Variants in TOX2 observed in about 807,000 individuals in gnomAD.
The protein encoded by TOX2 is granulosa cell HMG box 1.
Under a neutral mutation model 47.4 loss-of-function variants are expected in TOX2, and 15 were observed. That is an observed-to-expected ratio of 0.32 (90% confidence interval 0.21 to 0.49). TOX2 has a LOEUF of 0.49. TOX2 is among the 20% of genes least tolerant of loss of function. TOX2 has a pLI of 0.99. For synonymous variants in TOX2, 290 were observed against 296.6 expected (o/e 0.98, Z 0.23); for missense variants, 622 against 673.1 (o/e 0.92, Z 0.84).
At chr20:44,040,611 G>A (rs1384116065) in intron 3 of TOX2, among the ~76,000 whole-genome samples, 1 of 152,204 alleles carries the variant, frequency 6.6e-6, no homozygotes, top group African/African-American at 2.4e-5. Flanking sequence ...CTGTATAGTT[G>A]TGATTAAATG....
At chr20:43,985,857 G>A (rs1181775477) in intron 2 of TOX2, among the ~76,000 whole-genome samples, 2 of 152,150 alleles carry the variant, frequency 1.3e-5, no homozygotes, top group African/African-American at 4.8e-5. Context: ...GTGAGGAGCT[G>A]GGGCGCATGG....
chr20:43,947,564 CTGTT>C (rs902632060), intron 1 of TOX2, among the ~76,000 whole-genome samples: 101 of 152,294 alleles, frequency 6.6e-4, no homozygotes, highest in African/African-American at 2.3e-3. Context: ...GCTCTGGAAT[CTGTT>C]TGGGGAGCTT....
Position 44,005,452 on chromosome 20 carries a change from C to T in TOX2, c.166-1095C>T, listed in dbSNP as rs1254203718. ...TCCTCAAGCTAAAGTAACCTTGTTA[C>T]TAAAACCCCAACAAAGACAGTATGA... On this transcript the variant is annotated intron_variant, in intron 2 of 8. Transcript: ENST00000341197. 2.0e-5 allele frequency among the ~76,000 whole-genome samples: 3 copies of T among 152,170 alleles called. No homozygotes were observed. The East Asian group carries it at 5.8e-4, about 29-fold the overall frequency.
chr20:43,959,010 C>T (rs1025958752), intron 1 of TOX2, among the ~76,000 whole-genome samples: 1 of 152,170 alleles, frequency 6.6e-6, no homozygotes, highest in Non-Finnish European at 1.5e-5. Context: ...AGGACAGAGC[C>T]CCCCACTGCC....
intron 3 of TOX2, among the ~76,000 whole-genome samples, chr20:44,028,444 CGCTTAGA>C (rs2071098920): frequency 6.6e-6 from 1 of 152,208 alleles, no homozygotes; most frequent in Non-Finnish European, 1.5e-5. Flanking sequence ...CTCGCTGCAG[CGCTTAGA>C]GCTGCAAACC....
chr20:43,928,875 C>T (rs1254113607), intron 1 of TOX2, among the ~76,000 whole-genome samples: 3 of 151,180 alleles, frequency 2.0e-5, no homozygotes, highest in Admixed American at 6.6e-5. Context: ...TGGCTCACGC[C>T]TGTAATCCCA....
chr20:44,013,584 T>G (rs1184723102), intron 3 of TOX2, among the ~76,000 whole-genome samples: 2 of 152,228 alleles, frequency 1.3e-5, no homozygotes, highest in Non-Finnish European at 1.5e-5. Context: ...ATCAATTAGC[T>G]TTTGCTGTGT....
intron 3 of TOX2, among the ~76,000 whole-genome samples, chr20:44,027,326 CCTT>C (rs1426733145): frequency 2.6e-5 from 4 of 152,220 alleles, no homozygotes; most frequent in Admixed American, 2.0e-4. Context: ...ACCCTCCCCT[CCTT>C]CTTATGTTTC....
intron 2 of TOX2, among the ~76,000 whole-genome samples, chr20:44,003,706 A>T (rs1271540966): frequency 6.6e-6 from 1 of 152,182 alleles, no homozygotes; most frequent in Non-Finnish European, 1.5e-5. Context: ...AACAAAACCT[A>T]TTGTGGAGAG....
rs145010201 is a variant in TOX2 at position 43,964,780 on chromosome 20, G to A, written c.100-8587G>A. On this transcript the variant is annotated intron_variant, in intron 1 of 8. Coordinates refer to ENST00000341197, the MANE Select transcript of TOX2 (RefSeq NM_001098797.2). The stretch of plus-strand genomic sequence containing the variant: ...GCCTTGGGATTTCTAGGGGGTTCCA[G>A]TGAGATGGCTGGTCACAGCTCTGGG... 4.3e-3 allele frequency among the ~76,000 whole-genome samples: 658 copies of A among 152,294 alleles called. 3 individuals carry two copies. The highest frequency in any genetic ancestry group is 0.016 in the South Asian group (78 of 4,824).
At chr20:43,945,004 C>T (rs1469637098) in intron 1 of TOX2, among the ~76,000 whole-genome samples, 1 of 152,168 alleles carries the variant, frequency 6.6e-6, no homozygotes, top group Non-Finnish European at 1.5e-5. Context: ...GTGCCCGGGG[C>T]CAGCTTTATC....
chr20:43,986,373 C>T (rs2070265981), intron 2 of TOX2, among the ~76,000 whole-genome samples: 1 of 152,098 alleles, frequency 6.6e-6, no homozygotes, highest in Non-Finnish European at 1.5e-5. Flanking sequence ...CCTCCGCCTC[C>T]TGGGTTCAAG....
At chr20:44,032,500 G>C (rs987033904) in intron 3 of TOX2, among the ~76,000 whole-genome samples, 2 of 152,206 alleles carry the variant, frequency 1.3e-5, no homozygotes, top group Non-Finnish European at 2.9e-5. Context: ...AGAGCAAGTG[G>C]GGGTGGATGT....
chr20:44,018,666 C>T lies in TOX2; in HGVS notation c.411+11874C>T, dbSNP rs181754280. ...CTTTCTCTCATCTTGTGGCTTTGTC[C>T]ATTTAGAACTCGGAGCCTTTATAAA... On this transcript the variant is annotated intron_variant, in intron 3 of 8. Coordinates refer to ENST00000341197, the MANE Select transcript of TOX2 (RefSeq NM_001098797.2). 2.6e-5 allele frequency among the ~76,000 whole-genome samples: 4 copies of T among 152,270 alleles called. No homozygotes were observed. In the East Asian group the frequency reaches 5.8e-4, roughly 22 times the overall value.
intron 1 of TOX2, among the ~76,000 whole-genome samples, chr20:43,962,351 A>G (rs1054373035): frequency 2.0e-5 from 3 of 152,126 alleles, no homozygotes; most frequent in African/African-American, 7.2e-5. Context: ...CCTAGGTTGG[A>G]GCTGGAGTTC....
intron 2 of TOX2, among the ~76,000 whole-genome samples, chr20:43,987,531 G>A (rs4812776): frequency 0.2 from 30,014 of 152,040 alleles, 3,329 homozygotes; most frequent in African/African-American, 0.29. Flanking sequence ...GCTTCAATAA[G>A]GTGTAAAAAA....
At chr20:43,939,376 C>A (rs1387517332) in intron 1 of TOX2, among the ~76,000 whole-genome samples, 1 of 152,158 alleles carries the variant, frequency 6.6e-6, no homozygotes, top group Non-Finnish European at 1.5e-5. Context: ...GAAGAAAGGG[C>A]AAAACCTTGG....
intron 2 of TOX2, among the ~76,000 whole-genome samples, chr20:43,989,781 GA>G (rs35693609): frequency 0.016 from 1,786 of 113,238 alleles, 30 homozygotes; most frequent in African/African-American, 0.046. Context: ...CTCTGTCTCA[GA>G]AAAAAAAAAA....
chr20:43,927,997 C>A (rs1053200282), intron 1 of TOX2, among the ~76,000 whole-genome samples: 1 of 152,162 alleles, frequency 6.6e-6, no homozygotes, highest in East Asian at 1.9e-4. Flanking sequence ...AGTGTGGGAC[C>A]ACCAGGCTAG....
Sources: gnomAD v4.1 joint callset for allele counts (sites outside exome capture counted in the v4.1 genomes callset) on GRCh38, gnomAD v4.1.1 for gene constraint, MANE v1.5 for transcripts, NCBI Gene and HGNC (gene_info 2026-07-23, HGNC 2026-07-21) for gene names.